Variants in FAXC observed in about 807,000 individuals in gnomAD.
FAXC encodes failed axon connections homolog, metaxin like GST domain containing.
A neutral mutation model predicts 41.9 loss-of-function variants in FAXC; 10 were observed. The observed-to-expected ratio is 0.24, with a 90% CI of 0.15 to 0.41. The LOEUF is 0.41. FAXC is among the 10% of genes least tolerant of loss of function. The pLI is 1.00. For missense variants in FAXC, 399 were observed against 510.9 expected (o/e 0.78, Z 2.11); for synonymous variants, 183 against 183.8 (o/e 1.00, Z 0.03).
At chr6:99,340,992 T>TA (rs1462312353) in intron 2 of FAXC, among the ~76,000 whole-genome samples, 11 of 152,066 alleles carry the variant, frequency 7.2e-5, no homozygotes, top group African/African-American at 2.7e-4. Flanking sequence ...ATTAAAATCT[T>TA]AGACAACAGC....
intron 5 of FAXC, among the ~76,000 whole-genome samples, chr6:99,286,398 G>A (rs1272686871): frequency 6.6e-6 from 1 of 152,194 alleles, no homozygotes; most frequent in African/African-American, 2.4e-5. Context: ...CTTCCCTCCA[G>A]ATGGAGAATA....
intron 2 of FAXC, among the ~76,000 whole-genome samples, chr6:99,336,492 A>G (rs2128463673): frequency 6.6e-6 from 1 of 152,292 alleles, no homozygotes; most frequent in Admixed American, 6.5e-5. Context: ...TAATCCACTG[A>G]GGGTAGTTTC....
At chr6:99,336,274 C>A (rs1031220766) in intron 2 of FAXC, among the ~76,000 whole-genome samples, 1 of 151,448 alleles carries the variant, frequency 6.6e-6, no homozygotes, top group African/African-American at 2.4e-5. Context: ...TTAATTTTTC[C>A]TAAATATTTT....
intron 5 of FAXC, among the ~76,000 whole-genome samples, chr6:99,281,981 T>G (rs1228890808): frequency 6.6e-6 from 1 of 152,172 alleles, no homozygotes; most frequent in East Asian, 1.9e-4. Context: ...TCCATAGAGA[T>G]ACTGTGAAAA....
At chr6:99,347,269 G>A (rs1773633477) in intron 1 of FAXC, among the ~76,000 whole-genome samples, 1 of 152,052 alleles carries the variant, frequency 6.6e-6, no homozygotes, top group South Asian at 2.1e-4. Context: ...AGACGCGGTG[G>A]TGCACGCCTG....
chr6:99,298,670 A>C (rs1043657418), intron 4 of FAXC, among the ~76,000 whole-genome samples: 11 of 152,220 alleles, frequency 7.2e-5, no homozygotes, highest in African/African-American at 2.7e-4. Flanking sequence ...ATCACATAGG[A>C]ACCATCAATT....
chr6:99,329,493 T>C (rs1056034702), intron 3 of FAXC, among the ~76,000 whole-genome samples: 1 of 152,172 alleles, frequency 6.6e-6, no homozygotes, highest in African/African-American at 2.4e-5. Context: ...TGAGAATGCC[T>C]TTCTCTGCAT....
At chr6:99,338,277 A>G (rs1773290476) in intron 2 of FAXC, among the ~76,000 whole-genome samples, 1 of 152,184 alleles carries the variant, frequency 6.6e-6, no homozygotes, top group Non-Finnish European at 1.5e-5. Context: ...TGGAAGGGGT[A>G]AGCAAGCCCC....
chr6:99,309,167 G>T (rs781164025), intron 4 of FAXC, among the ~76,000 whole-genome samples: 3 of 151,948 alleles, frequency 2.0e-5, no homozygotes, highest in Non-Finnish European at 4.4e-5. Flanking sequence ...TACTCATAAA[G>T]ATTTTTTAAA....
chr6:99,296,632 G>A (rs919063813), intron 4 of FAXC, among the ~76,000 whole-genome samples: 2 of 152,144 alleles, frequency 1.3e-5, no homozygotes, highest in African/African-American at 2.4e-5. Flanking sequence ...CCCTCCTGAC[G>A]ATGAGGGTGA....
intron 1 of FAXC, among the ~76,000 whole-genome samples, chr6:99,347,211 G>C (rs1255860782): frequency 1.3e-5 from 2 of 152,078 alleles, no homozygotes; most frequent in Non-Finnish European, 2.9e-5. Flanking sequence ...AGAGCAGCCT[G>C]GCCAACACGG....
intron 4 of FAXC, among the ~76,000 whole-genome samples, chr6:99,318,306 C>CACA (rs147852055): frequency 2.7e-4 from 36 of 135,312 alleles, no homozygotes; most frequent in African/African-American, 9.0e-4. Flanking sequence ...CACACACACA[C>CACA]AAAATAGAAG....
intron 5 of FAXC, among the ~76,000 whole-genome samples, chr6:99,288,346 G>T (rs1298651315): frequency 6.6e-6 from 1 of 152,162 alleles, no homozygotes; most frequent in Admixed American, 6.5e-5. Flanking sequence ...AAGTGAGTGT[G>T]TGGGGGGTTG....
At chr6:99,286,391 C>A (rs1478786263) in intron 5 of FAXC, among the ~76,000 whole-genome samples, 1 of 152,208 alleles carries the variant, frequency 6.6e-6, no homozygotes, top group Non-Finnish European at 1.5e-5. Context: ...CTGAACACTT[C>A]CCTCCAGATG....
chr6:99,310,542 G>T (rs192884192), intron 4 of FAXC, among the ~76,000 whole-genome samples: 271 of 152,362 alleles, frequency 1.8e-3, no homozygotes, highest in African/African-American at 6.4e-3. Context: ...GAAAGCCACT[G>T]CTCAAGACAA....
At chr6:99,342,608 T>G (rs1348881315) in intron 2 of FAXC, among the ~76,000 whole-genome samples, 2 of 152,228 alleles carry the variant, frequency 1.3e-5, no homozygotes, top group Non-Finnish European at 2.9e-5. Context: ...CCTCCCAAAG[T>G]GCTGGGATTA....
Position 99,275,990 on chromosome 6 carries a change from T to G in FAXC, c.*5174A>C, listed in dbSNP as rs1213743694. On this transcript the variant is annotated 3_prime_UTR_variant, in exon 6 of 6. Coordinates refer to ENST00000389677, the MANE Select transcript of FAXC (RefSeq NM_032511.4). Reference sequence around the variant, plus strand: ...CACATGCAATTGATCCCTGGACCTGTTAAAGATGGGTTCCCAGAGCCCAGC... The same window carrying G: ...CACATGCAATTGATCCCTGGACCTGGTAAAGATGGGTTCCCAGAGCCCAGC... 1.3e-5 allele frequency: 2 copies of G among 152,110 alleles called. No homozygotes were observed. Among genetic ancestry groups the G allele is most frequent in the South Asian group, 2.1e-4 (1 of 4,820 alleles). The allele number at this position is 152,110 out of a possible 1,614,324, so 9.4% of individuals were successfully genotyped here. A position where few individuals can be genotyped will look rare whatever the true frequency, so the allele number is the denominator to read the frequency against.
At chr6:99,339,293 T>TG (rs1773332422) in intron 2 of FAXC, among the ~76,000 whole-genome samples, 1 of 152,170 alleles carries the variant, frequency 6.6e-6, no homozygotes. Flanking sequence ...AGGAGCCATT[T>TG]GGGGGAATGG....
In FAXC at chr6:99,323,664, T is replaced by C. The variant is rs221527; in HGVS notation, c.603A>G (p.Thr201=). The C allele has an allele frequency of 0.86, 1,378,826 of 1,612,624 alleles. 592,213 individuals carry two copies. Among genetic ancestry groups the C allele is most frequent in the East Asian group, 1 (44,870 of 44,884 alleles). Residue 201 remains threonine (T), a synonymous_variant, in exon 4 of 6, where the codon ACA becomes ACG. Transcript: ENST00000389677. The part of the protein sequence containing the change: ...TKMVEEHFYW[T]LAYCQWVDNL... ...TGTCCACCCACTGGCAATAAGCTAA[T>C]GTCCTGGAATTGTGTGGAAACAAGT...
Sources: allele counts gnomAD v4.1 joint callset (sites outside exome capture counted in the v4.1 genomes callset), GRCh38; gene constraint gnomAD v4.1.1; transcripts MANE v1.5; gene names NCBI Gene and HGNC (gene_info 2026-07-23, HGNC 2026-07-21).